HECW1: variants seen among roughly 807,000 people sequenced by gnomAD.
HECW1 encodes E3 ubiquitin-protein ligase HECW1.
HECW1 carries 61 observed loss-of-function variants against 182.3 expected under a neutral mutation model. The observed-to-expected ratio is 0.33, with a 90% CI of 0.27 to 0.41. HECW1 has a LOEUF of 0.41. Among genes scored for constraint, HECW1 ranks in the 10% least tolerant of loss-of-function variants. The probability of loss-of-function intolerance (pLI) is 1.00; values close to 1 mark genes in which losing one functional copy is unlikely to be tolerated. For missense variants in HECW1, 1,739 were observed against 2,108.9 expected, an observed-to-expected ratio of 0.82 and a Z score of 3.44; for synonymous variants, 859 against 832.6, an observed-to-expected ratio of 1.03 and a Z score of -0.55.
At position 43,260,059 on chromosome 7, in the gene HECW1, C is replaced by T. The variant is rs917842484; in HGVS notation, c.27+16127C>T. Among the ~76,000 whole-genome samples, 15 of 152,094 alleles carry T rather than the reference C, an allele frequency of 9.9e-5. 1 individual carries two copies. The highest frequency in any genetic ancestry group is 9.2e-4 in the Admixed American group (14 of 15,282). On this transcript the variant is annotated intron_variant, in intron 3 of 29. Transcript: ENST00000395891. ...ACCAAAGATAAAGAAAATATAAAAG[C>T]AACCACAGGAAAAAATGATATGTTG...
rs1431567163 is a variant in HECW1, at chr7:43,340,251, C to G, written c.460+19509C>G. Among the ~76,000 whole-genome samples the G allele has an allele frequency of 4.3e-5, 5 of 115,322 alleles. 1 individual carries two copies. The Admixed American group carries it at 6.1e-4, about 14-fold the overall frequency. 75.7% of individuals were successfully genotyped at this position (115,322 alleles called of 152,430 possible). A position where few individuals can be genotyped will look rare whatever the true frequency, so the allele number is the denominator to read the frequency against. On this transcript the variant is annotated intron_variant, in intron 5 of 29. Coordinates refer to ENST00000395891, the MANE Select transcript of HECW1 (RefSeq NM_015052.5). The stretch of plus-strand genomic sequence containing the variant: ...CTTTTTTTTTTCTAAGACGGAGTAT[C>G]GCTCTGTCGCCCAGGCTAGAGTACA...
intron 21 of HECW1, among the ~76,000 whole-genome samples, chr7:43,506,834 A>G (rs2152927301): frequency 6.6e-6 from 1 of 152,338 alleles, no homozygotes; most frequent in South Asian, 2.1e-4. Context: ...TGGGAGGCCA[A>G]GGCGGGTGAA....
At chr7:43,167,963 A>G (rs1293259733) in intron 2 of HECW1, among the ~76,000 whole-genome samples, 1 of 152,180 alleles carries the variant, frequency 6.6e-6, no homozygotes, top group Non-Finnish European at 1.5e-5. Context: ...GCACTCCTGA[A>G]TACTCACACA....
rs557163842 is a variant in HECW1, at chr7:43,160,576, C to A, written c.-32+46185C>A. On this transcript the variant is annotated intron_variant, in intron 2 of 29. Coordinates refer to ENST00000395891, the MANE Select transcript of HECW1 (RefSeq NM_015052.5). Reference sequence around the variant, plus strand: ...TTGGTTTGGAAATGTCACTTTTATTCATCGCAAAGTCTTCAACGTATCAGT... The same window carrying A: ...TTGGTTTGGAAATGTCACTTTTATTAATCGCAAAGTCTTCAACGTATCAGT... Among the ~76,000 whole-genome samples, 3 of 152,310 alleles carry A rather than the reference C, an allele frequency of 2.0e-5. No homozygotes were observed. The South Asian group carries it at 6.2e-4, about 32-fold the overall frequency.
intron 2 of HECW1, among the ~76,000 whole-genome samples, chr7:43,224,067 C>T (rs755088108): frequency 3.3e-5 from 5 of 152,200 alleles, no homozygotes; most frequent in Non-Finnish European, 5.9e-5. Flanking sequence ...TAGTTTTATT[C>T]GTTGCCTGTC....
intron 21 of HECW1, among the ~76,000 whole-genome samples, chr7:43,504,165 C>G (rs1178805492): frequency 6.6e-6 from 1 of 152,228 alleles, no homozygotes; most frequent in Non-Finnish European, 1.5e-5. Context: ...CTTCCGTCCT[C>G]CTGGATGACT....
chr7:43,427,051 T>G (rs1463428378), intron 8 of HECW1, among the ~76,000 whole-genome samples: 1 of 152,134 alleles, frequency 6.6e-6, no homozygotes, highest in Non-Finnish European at 1.5e-5. Context: ...GCCCTGAAAG[T>G]TTATGGTTGC....
At chr7:43,170,884 G>A (rs974384214) in intron 2 of HECW1, among the ~76,000 whole-genome samples, 1 of 152,230 alleles carries the variant, frequency 6.6e-6, no homozygotes, top group African/African-American at 2.4e-5. Context: ...TGTGCAGGGT[G>A]AGTGTCCTTG....
At chr7:43,536,549 A>T (rs147883985) in intron 24 of HECW1, among the ~76,000 whole-genome samples, 77 of 152,308 alleles carry the variant, frequency 5.1e-4, no homozygotes, top group Admixed American at 9.1e-4. Context: ...CTCTCTTGTG[A>T]AGAGGAGTTG....
intron 2 of HECW1, among the ~76,000 whole-genome samples, chr7:43,238,812 T>TC (rs1798613107): frequency 6.6e-6 from 1 of 151,886 alleles, no homozygotes; most frequent in African/African-American, 2.4e-5. Context: ...TGTAAGAGGG[T>TC]TTTTCTGTCA....
At chr7:43,361,811 C>A (rs66974904) in intron 6 of HECW1, among the ~76,000 whole-genome samples, 144 of 125,408 alleles carry the variant, frequency 1.1e-3, no homozygotes, top group Admixed American at 1.3e-3. Flanking sequence ...AAAAAAGACT[C>A]TCTCTTTTTT....
chr7:43,209,521 A>G (rs1795810613), intron 2 of HECW1, among the ~76,000 whole-genome samples: 1 of 152,100 alleles, frequency 6.6e-6, no homozygotes, highest in East Asian at 1.9e-4. Context: ...TTTACAAGAG[A>G]GCTTCTCTCT....
intron 6 of HECW1, 121 bp downstream of exon 6, chr7:43,361,101 C>T: frequency 3.1e-6 from 2 of 638,004 alleles, no homozygotes; most frequent in Non-Finnish European, 2.8e-6. Flanking sequence ...CGTGTACATA[C>T]ACACATATGG....
intron 8 of HECW1, among the ~76,000 whole-genome samples, chr7:43,433,050 C>A (rs1298779354): frequency 2.0e-5 from 3 of 152,192 alleles, no homozygotes; most frequent in Admixed American, 2.0e-4. Flanking sequence ...GTGATTTTGT[C>A]TCCCCAAAGG....
intron 6 of HECW1, among the ~76,000 whole-genome samples, chr7:43,371,709 A>C (rs1003628609): frequency 6.6e-6 from 1 of 152,240 alleles, no homozygotes; most frequent in Admixed American, 6.5e-5. Context: ...AACAACAGGA[A>C]AGCCAGTGTC....
chr7:43,288,620 T>C (rs951846199), intron 3 of HECW1, among the ~76,000 whole-genome samples: 1 of 152,158 alleles, frequency 6.6e-6, no homozygotes, highest in Admixed American at 6.5e-5. Flanking sequence ...TGTCTCTGAG[T>C]GGAGCCTTTA....
At chr7:43,173,192 G>A (rs1158774985) in intron 2 of HECW1, among the ~76,000 whole-genome samples, 1 of 152,162 alleles carries the variant, frequency 6.6e-6, no homozygotes, top group Admixed American at 6.5e-5. Context: ...TACCATTCTA[G>A]TCACATCTGA....
chr7:43,407,596 T>C lies in HECW1; in HGVS notation c.666T>C (p.Phe222=). Residue 222 remains phenylalanine (F), a synonymous_variant, in exon 8 of 30, where the codon TTT becomes TTC. Transcript: ENST00000395891. ...CCATGGGGTTGAAGAAAGGGATGTT[T>C]TTCAACCCAGACCCTTATCTGAAGA... ...FQAMGLKKGM[F]FNPDPYLKIS... 2 of 1,613,570 alleles carry C rather than the reference T, an allele frequency of 1.2e-6. No individual in the cohort carries two copies. Among genetic ancestry groups the C allele is most frequent in the Non-Finnish European group, 1.7e-6 (2 of 1,179,650 alleles).
intron 2 of HECW1, among the ~76,000 whole-genome samples, chr7:43,204,604 C>T (rs184789775): frequency 6.6e-6 from 1 of 152,258 alleles, no homozygotes; most frequent in Admixed American, 6.5e-5. Context: ...AAGCTGAACA[C>T]TAGTTAAGGA....
Sources: allele counts gnomAD v4.1 joint callset (sites outside exome capture counted in the v4.1 genomes callset), GRCh38; gene constraint gnomAD v4.1.1; transcripts MANE v1.5; gene names NCBI Gene and HGNC (gene_info 2026-07-23, HGNC 2026-07-21).